Variants in GATM observed in about 807,000 individuals in gnomAD.
The protein encoded by GATM is glycine amidinotransferase, mitochondrial.
A neutral mutation model predicts 54.2 loss-of-function variants in GATM; 23 were observed. That is an observed-to-expected ratio of 0.42 (90% CI 0.31 to 0.60). The LOEUF (loss-of-function observed/expected upper bound fraction) is 0.60. Among genes scored for constraint, GATM ranks in the 20% least tolerant of loss-of-function variants. The pLI, the probability that GATM is intolerant of heterozygous loss-of-function variation, is 0.14. For missense variants in GATM, 401 were observed against 544.9 expected (o/e 0.74, Z 2.63); for synonymous variants, 168 against 183.1 (o/e 0.92, Z 0.67).
intron 3 of GATM, among the ~76,000 whole-genome samples, chr15:45,384,304 T>G (rs952233197): frequency 6.6e-6 from 1 of 152,326 alleles, no homozygotes; most frequent in Non-Finnish European, 1.5e-5. Context: ...CTTCTTAGGA[T>G]AATGCTATAC....
In GATM at chr15:45,366,472, A is replaced by G; in HGVS notation, c.712T>C (p.Leu238=). ...GTCACAAATTTTCCCTGAGCAGCCA[A>G]TTTGTGTCTGTCTTCTACAGAGTGG... ...PIHSVEDRHK[L]AAQGKFVTTE... The change falls in exon 5 of 9, where the codon TTG becomes CTG. Residue 238 remains leucine, a synonymous_variant. Transcript: ENST00000396659. 26 of 1,614,184 alleles carry G rather than the reference A, an allele frequency of 1.6e-5. No homozygotes were observed. Among genetic ancestry groups the G allele is most frequent in the Non-Finnish European group, 2.2e-5 (26 of 1,180,006 alleles).
rs145961222 is a variant in GATM at position 45,388,444 on chromosome 15, G to C, written c.-319+8478C>G. On this transcript the variant is annotated intron_variant, in intron 3 of 4. Transcript: ENST00000561148. ...TTAACTAAACTCCAGACTTTACTTG[G>C]ATCTTACCAGTTTTTCCACTAACAT... 1.1e-4 allele frequency among the ~76,000 whole-genome samples: 17 copies of C among 152,198 alleles called. No individual in the cohort carries two copies. In the East Asian group the frequency reaches 3.3e-3, roughly 29 times the overall value.
At chr15:45,401,677 G>A (rs375599443) in intron 1 of GATM, among the ~76,000 whole-genome samples, 3 of 152,230 alleles carry the variant, frequency 2.0e-5, no homozygotes, top group African/African-American at 7.2e-5. Flanking sequence ...TTGATCGCAT[G>A]AACTTTAGTG....
intron 2 of GATM, among the ~76,000 whole-genome samples, chr15:45,375,788 T>TG (rs1252029391): frequency 2.0e-5 from 3 of 147,814 alleles, no homozygotes; most frequent in African/African-American, 7.5e-5. Flanking sequence ...GGTGGGGTAG[T>TG]GGGGGTCGCC....
At chr15:45,367,186 C>CA (rs1351751549) in intron 4 of GATM, among the ~76,000 whole-genome samples, 1 of 152,042 alleles carries the variant, frequency 6.6e-6, no homozygotes, top group African/African-American at 2.4e-5. Context: ...ACTAAAAATA[C>CA]AAAAATTCGT....
intron 3 of GATM, among the ~76,000 whole-genome samples, chr15:45,390,976 C>G (rs973287383): frequency 6.6e-6 from 1 of 152,188 alleles, no homozygotes; most frequent in Admixed American, 6.5e-5. Context: ...CCATTAACTA[C>G]TTGGATAACC....
intron 3 of GATM, among the ~76,000 whole-genome samples, chr15:45,394,142 C>T (rs761804309): frequency 5.3e-5 from 8 of 152,142 alleles, no homozygotes; most frequent in Admixed American, 2.6e-4. Flanking sequence ...CAGCAGGAGG[C>T]GAGCAGGACT....
intron 3 of GATM, among the ~76,000 whole-genome samples, chr15:45,389,066 G>C (rs1566845644): frequency 6.6e-6 from 1 of 152,214 alleles, no homozygotes; most frequent in East Asian, 1.9e-4. Flanking sequence ...GTTGGAATAT[G>C]AGTTTAAAAG....
chr15:45,369,265 C>A lies in GATM; in HGVS notation c.484+61G>T, dbSNP rs781475803. Reference sequence around the variant, plus strand: ...GAAATTTTTTGGAGCTTTCCCCTTACACATTAAGAAAGAAATTGAAAATTC... The same window carrying A: ...GAAATTTTTTGGAGCTTTCCCCTTAAACATTAAGAAAGAAATTGAAAATTC... On this transcript the variant is annotated intron_variant, in intron 3 of 8. Coordinates refer to ENST00000396659, the MANE Select transcript of GATM (RefSeq NM_001482.3). The A allele has an allele frequency of 4.1e-6, 6 of 1,470,256 alleles. No homozygotes were observed. In the South Asian group the frequency reaches 5.7e-5, roughly 14 times the overall value. The allele number at this position is 1,470,256 out of a possible 1,614,324, so 91.1% of individuals were successfully genotyped here. A position where few individuals can be genotyped will look rare whatever the true frequency, so the allele number is the denominator to read the frequency against.
At chr15:45,378,580 G>A, upstream of GATM, 2 of 661,492 alleles carry the variant, frequency 3.0e-6, no homozygotes, top group Non-Finnish European at 4.6e-6. Flanking sequence ...TTTTGTAGCC[G>A]CGCTCCGCCC....
chr15:45,391,528 C>T (rs1889874241), intron 3 of GATM, among the ~76,000 whole-genome samples: 1 of 152,212 alleles, frequency 6.6e-6, no homozygotes, highest in African/African-American at 2.4e-5. Flanking sequence ...TGTTATCTTA[C>T]ACCAAGTAAT....
intron 3 of GATM, among the ~76,000 whole-genome samples, chr15:45,390,003 G>T (rs1474092323): frequency 6.6e-6 from 1 of 151,990 alleles, no homozygotes. Flanking sequence ...GGGACTACAG[G>T]CACACACCCA....
At chr15:45,381,992 C>T (rs1264364296), upstream of GATM, among the ~76,000 whole-genome samples, 2 of 152,144 alleles carry the variant, frequency 1.3e-5, no homozygotes, top group African/African-American at 4.8e-5. Context: ...CACTGTAAGC[C>T]TTATTGTACC....
chr15:45,399,935 A>G (rs1234889893), intron 1 of GATM, among the ~76,000 whole-genome samples: 1 of 152,248 alleles, frequency 6.6e-6, no homozygotes, highest in East Asian at 1.9e-4. Context: ...GGTTTACCAC[A>G]AGGAGGCCAG....
At chr15:45,402,223 A>T (rs1890030872), upstream of GATM, 1 of 667,012 alleles carries the variant, frequency 1.5e-6, no homozygotes, top group Non-Finnish European at 2.3e-6. Flanking sequence ...CGATTTCACG[A>T]AAGCGGACAC....
intron 1 of GATM, 40 bp from the exon 2 acceptor site, chr15:45,376,859 C>T: frequency 6.5e-7 from 1 of 1,532,096 alleles, no homozygotes; most frequent in Non-Finnish European, 8.9e-7. Context: ...TTGCATTGCT[C>T]TATCAGTACT....
intron 2 of GATM, among the ~76,000 whole-genome samples, chr15:45,370,946 TG>T (rs1181569003): frequency 6.6e-6 from 1 of 152,174 alleles, no homozygotes; most frequent in Non-Finnish European, 1.5e-5. Context: ...GCTAATTTTT[TG>T]TATTTTTAGT....
At chr15:45,363,740 A>C in intron 8 of GATM, 160 bp downstream of exon 8, 1 of 640,318 alleles carries the variant, frequency 1.6e-6, no homozygotes, top group East Asian at 2.7e-5. Flanking sequence ...GTGTGTTGAA[A>C]ATAAAAATAC....
At chr15:45,394,955 CCT>C (rs907528176) in intron 3 of GATM, among the ~76,000 whole-genome samples, 31 of 152,150 alleles carry the variant, frequency 2.0e-4, no homozygotes, top group African/African-American at 7.0e-4. Flanking sequence ...CTCTCTCTCC[CCT>C]GTCTCTCAGG....
Sources: gnomAD v4.1 joint callset for allele counts (sites outside exome capture counted in the v4.1 genomes callset) on GRCh38, gnomAD v4.1.1 for gene constraint, MANE v1.5 for transcripts, NCBI Gene and HGNC (gene_info 2026-07-23, HGNC 2026-07-21) for gene names.